ESRRG: variants seen among roughly 807,000 people sequenced by gnomAD.
The protein encoded by ESRRG is estrogen related receptor gamma.
ESRRG carries 13 observed loss-of-function variants against 44.0 expected under a neutral mutation model. The observed-to-expected ratio is 0.30, with a 90% CI of 0.19 to 0.47. The LOEUF is 0.47. Ranked by LOEUF, ESRRG falls within the 20% of genes least tolerant of loss-of-function variation. ESRRG has a pLI of 1.00. For missense variants in ESRRG, 395 were observed against 580.6 expected (o/e 0.68, Z 3.29); for synonymous variants, 215 against 214.6 (o/e 1.00, Z -0.02).
At chr1:217,031,679 G>A (rs568088780) in intron 1 of ESRRG, among the ~76,000 whole-genome samples, 1 of 152,318 alleles carries the variant, frequency 6.6e-6, no homozygotes, top group African/African-American at 2.4e-5. Context: ...ATCCCCACAT[G>A]TGGTGGGAGG....
chr1:216,631,955 A>T (rs1244975125), intron 3 of ESRRG, among the ~76,000 whole-genome samples: 3 of 152,154 alleles, frequency 2.0e-5, no homozygotes, highest in African/African-American at 7.2e-5. Context: ...CTCCCTCCTG[A>T]GGTGCCCTCC....
chr1:216,687,623 T>A (rs748904897), intron 1 of ESRRG, among the ~76,000 whole-genome samples: 1 of 152,208 alleles, frequency 6.6e-6, no homozygotes, highest in Non-Finnish European at 1.5e-5. Context: ...ATTTGTTCAG[T>A]GCTCCTGGTC....
At chr1:216,797,572 T>C (rs984899438) in intron 2 of ESRRG, among the ~76,000 whole-genome samples, 11 of 152,170 alleles carry the variant, frequency 7.2e-5, no homozygotes, top group African/African-American at 2.7e-4. Context: ...CCCATTACCA[T>C]AGGATTTTCC....
chr1:216,578,552 A>G (rs1456185481), intron 3 of ESRRG, among the ~76,000 whole-genome samples: 7 of 152,088 alleles, frequency 4.6e-5, no homozygotes, highest in Non-Finnish European at 8.8e-5. Flanking sequence ...GGAACACGAA[A>G]AAGCAATTAG....
chr1:216,760,622 G>T (rs75812304), intron 2 of ESRRG, among the ~76,000 whole-genome samples: 3,420 of 151,894 alleles, frequency 0.023, 57 homozygotes, highest in Non-Finnish European at 0.031. Context: ...CATAAATTAA[G>T]TAATTTAAAT....
intron 3 of ESRRG, among the ~76,000 whole-genome samples, chr1:216,583,762 C>T (rs992568794): frequency 6.6e-6 from 1 of 152,174 alleles, no homozygotes; most frequent in Non-Finnish European, 1.5e-5. Context: ...CTTACAGTTC[C>T]ACGTGGCTGG....
chr1:217,011,082 C>G (rs1200568617), intron 1 of ESRRG, among the ~76,000 whole-genome samples: 1 of 152,204 alleles, frequency 6.6e-6, no homozygotes, highest in Non-Finnish European at 1.5e-5. Context: ...ACGCCATCAA[C>G]TCATAGTACC....
intron 2 of ESRRG, among the ~76,000 whole-genome samples, chr1:216,750,758 A>C (rs35328895): frequency 0.48 from 49,599 of 102,504 alleles, 9,209 homozygotes; most frequent in East Asian, 0.63. Context: ...AGAGTTATTT[A>C]CCTTTTTTTA....
intron 5 of ESRRG, among the ~76,000 whole-genome samples, chr1:216,563,787 C>A (rs1054470932): frequency 3.1e-4 from 47 of 152,054 alleles, no homozygotes; most frequent in African/African-American, 1.1e-3. Context: ...TGAATATGAC[C>A]AGCAATAGGA....
At chr1:217,133,643 CTCTCTT>C (rs1207919274) in intron 1 of ESRRG, among the ~76,000 whole-genome samples, 3 of 52,634 alleles carry the variant, frequency 5.7e-5, no homozygotes, top group African/African-American at 1.5e-4. Context: ...CTCTCTCTCT[CTCTCTT>C]TCTTTCTTTC....
intron 1 of ESRRG, chr1:216,714,588 A>G (rs2084392157): frequency 1.0e-6 from 1 of 978,108 alleles, no homozygotes. Flanking sequence ...TAGATTTTCC[A>G]ATCATTAAAA....
At chr1:216,791,825 T>A (rs972343494) in intron 2 of ESRRG, among the ~76,000 whole-genome samples, 1 of 151,982 alleles carries the variant, frequency 6.6e-6, no homozygotes, top group Non-Finnish European at 1.5e-5. Flanking sequence ...AACAGAAAAA[T>A]CAAATAGATC....
At chr1:216,570,267 G>T (rs966229057) in intron 3 of ESRRG, among the ~76,000 whole-genome samples, 1 of 152,114 alleles carries the variant, frequency 6.6e-6, no homozygotes, top group African/African-American at 2.4e-5. Context: ...ACCCAAAAAA[G>T]TTAGGTAAGG....
At chr1:216,553,737 G>A (rs1428328659) in intron 5 of ESRRG, among the ~76,000 whole-genome samples, 1 of 151,898 alleles carries the variant, frequency 6.6e-6, no homozygotes, top group East Asian at 1.9e-4. Flanking sequence ...AGAGATCCAA[G>A]TGTACATAAA....
intron 2 of ESRRG, among the ~76,000 whole-genome samples, chr1:216,664,336 G>A (rs2073314193): frequency 1.3e-5 from 2 of 151,860 alleles, no homozygotes; most frequent in South Asian, 2.1e-4. Context: ...CATGATAGAA[G>A]TGCCTACTTC....
intron 1 of ESRRG, among the ~76,000 whole-genome samples, chr1:216,945,567 C>T (rs1244277415): frequency 1.3e-5 from 2 of 152,162 alleles, no homozygotes; most frequent in Non-Finnish European, 2.9e-5. Flanking sequence ...TACAGTAGAT[C>T]ACACAAAAAG....
At chr1:216,967,858 C>A (rs1442114603) in intron 1 of ESRRG, among the ~76,000 whole-genome samples, 1 of 152,196 alleles carries the variant, frequency 6.6e-6, no homozygotes, top group Non-Finnish European at 1.5e-5. Context: ...GCATTCCTAT[C>A]AGTAATGAAT....
intron 2 of ESRRG, among the ~76,000 whole-genome samples, chr1:216,747,627 A>G (rs1478144906): frequency 2.0e-5 from 3 of 152,212 alleles, no homozygotes; most frequent in African/African-American, 7.2e-5. Context: ...CAAATAATCC[A>G]TAAACACTTA....
chr1:217,020,794 G>A (rs541009052), intron 1 of ESRRG, among the ~76,000 whole-genome samples: 3 of 152,116 alleles, frequency 2.0e-5, no homozygotes, highest in South Asian at 4.1e-4. Flanking sequence ...ATGAAGCTAC[G>A]TGATGTCTCA....
Sources: gnomAD v4.1 joint callset for allele counts (sites outside exome capture counted in the v4.1 genomes callset) on GRCh38, gnomAD v4.1.1 for gene constraint, MANE v1.5 for transcripts, NCBI Gene and HGNC (gene_info 2026-07-23, HGNC 2026-07-21) for gene names.